NDE1: variants seen among roughly 807,000 people sequenced by gnomAD.
NDE1 encodes nudE neurodevelopment protein 1, also known as nuclear distribution protein nudE homolog 1.
In NDE1, 28 loss-of-function variants were observed where a neutral mutation model predicts 43.4. The ratio of observed to expected loss-of-function variants is 0.65; its 90% CI spans 0.48 to 0.89. The LOEUF is 0.89. NDE1 is among the 40% of genes least tolerant of loss of function. NDE1 has a pLI of 0.00. For missense variants in NDE1, 441 were observed against 434.1 expected (o/e 1.02, Z -0.14); for synonymous variants, 184 against 172.0 (o/e 1.07, Z -0.55).
At chr16:15,691,027 C>T (rs1021640191) in intron 5 of NDE1, 117 bp from the exon 6 acceptor site, 11 of 1,232,804 alleles carry the variant, frequency 8.9e-6, no homozygotes, top group African/African-American at 6.0e-5. Flanking sequence ...AGGCTGGTCT[C>T]GAACTCCTGA....
At chr16:15,717,459 G>C (rs545733842) in intron 8 of NDE1, 8 of 1,116,518 alleles carry the variant, frequency 7.2e-6, no homozygotes, top group Admixed American at 4.0e-5. Context: ...CCTTGATCCC[G>C]GGCACCCTGT....
intron 7 of NDE1, among the ~76,000 whole-genome samples, chr16:15,695,170 C>T (rs1369666251): frequency 2.7e-5 from 4 of 146,706 alleles, no homozygotes; most frequent in Non-Finnish European, 5.9e-5. Context: ...GGTGACAGCA[C>T]GACGTTGTCT....
chr16:15,693,528 G>A (rs1001129781), intron 6 of NDE1, among the ~76,000 whole-genome samples: 6 of 152,286 alleles, frequency 3.9e-5, no homozygotes, highest in African/African-American at 1.2e-4. Flanking sequence ...GGCTGGGCAC[G>A]GTGGCTCATG....
chr16:15,676,571 A>G (rs1456300619), intron 3 of NDE1, among the ~76,000 whole-genome samples: 1 of 152,058 alleles, frequency 6.6e-6, no homozygotes, highest in East Asian at 1.9e-4. Flanking sequence ...CCATGTCACA[A>G]CGGGGAGTCC....
At chr16:15,692,141 T>A (rs1435931053) in intron 6 of NDE1, among the ~76,000 whole-genome samples, 1 of 152,074 alleles carries the variant, frequency 6.6e-6, no homozygotes, top group Non-Finnish European at 1.5e-5. Flanking sequence ...ACAGCAGATA[T>A]TAATAACAGA....
chr16:15,724,118 C>G lies in NDE1; in HGVS notation c.948-73C>G, dbSNP rs138012038. The G allele has an allele frequency of 1.9e-6, 3 of 1,610,726 alleles. No homozygotes were observed. In the South Asian group the frequency reaches 3.3e-5, roughly 18 times the overall value. On this transcript the variant is annotated intron_variant, in intron 8 of 8. Coordinates refer to ENST00000396354, the MANE Select transcript of NDE1 (RefSeq NM_017668.3). ...TACTCTGCAGAGCTGATTCCCCAAC[C>G]CAGCGTCCATGGCCAGAGTGGGGGA...
intron 1 of NDE1, chr16:15,651,972 A>T (rs1235182884): frequency 2.0e-5 from 3 of 151,806 alleles, no homozygotes; most frequent in Non-Finnish European, 4.4e-5. Flanking sequence ...CAGTGGCATG[A>T]TCTCGACTCA....
chr16:15,695,855 A>C, intron 7 of NDE1: 1 of 315,174 alleles, frequency 3.2e-6, no homozygotes, highest in Non-Finnish European at 4.6e-6. Flanking sequence ...TGGTTTCCTC[A>C]GGGTCTGTTG....
intron 8 of NDE1, chr16:15,721,820 A>G: frequency 1.6e-6 from 1 of 641,818 alleles, no homozygotes; most frequent in Non-Finnish European, 2.7e-6. Flanking sequence ...AACCTTATGC[A>G]GAGCCAGAAA....
upstream of NDE1, among the ~76,000 whole-genome samples, chr16:15,647,618 G>A (rs929999230): frequency 1.3e-5 from 2 of 152,080 alleles, no homozygotes; most frequent in African/African-American, 4.8e-5. Flanking sequence ...CTGAAATGAC[G>A]TTACTTTTTC....
chr16:15,718,431 G>A lies in NDE1; in HGVS notation c.948-5760G>A, dbSNP rs2040286402. 2 of 1,567,198 alleles carry A rather than the reference G, an allele frequency of 1.3e-6. No individual in the cohort carries two copies. The highest frequency in any genetic ancestry group is 1.3e-5 in the African/African-American group (1 of 74,184). On this transcript the variant is annotated intron_variant, in intron 8 of 8. Transcript: ENST00000396354. ...TCCAGGCGGCGCTTCTCGTCCTGGA[G>A]TGCGTTCCTGGGGGAAGGGCGGCCA...
rs184827132 is a variant in NDE1, at chr16:15,682,171, A to G, written c.386+4222A>G. ...CCCAGTTCACCATTATAGAATCAAT[A>G]AAGTTCTAGGTCACCAAAGTTTTAT... On this transcript the variant is annotated intron_variant, in intron 4 of 8. Coordinates refer to ENST00000396354, the MANE Select transcript of NDE1 (RefSeq NM_017668.3). Among the ~76,000 whole-genome samples, 3 of 152,328 alleles carry G rather than the reference A, an allele frequency of 2.0e-5. No homozygotes were observed. The East Asian group carries it at 5.8e-4, about 29-fold the overall frequency.
intron 8 of NDE1, chr16:15,703,660 C>G: frequency 4.6e-6 from 2 of 438,272 alleles, no homozygotes; most frequent in Non-Finnish European, 8.6e-6. Flanking sequence ...GCAATTATAG[C>G]TCATTGCAGC....
Position 15,667,421 on chromosome 16 carries a change from G to C in NDE1, c.219G>C (p.Met73Ile), listed in dbSNP as rs745579727. ...DLLSENNRLR[M>I]ELETIKEKFE... The stretch of plus-strand genomic sequence containing the variant: ...TGTCCGAAAATAACCGCCTTCGCAT[G>C]GAGCTGGAAACCATCAAGGTGAGGG... Residue 73 changes from methionine (M) to isoleucine (I), a missense_variant, in exon 3 of 9, where the codon ATG becomes ATC. By Grantham distance (10) the Met-to-Ile change is conservative. Transcript: ENST00000396354. 2 of 1,613,824 alleles carry C rather than the reference G, an allele frequency of 1.2e-6. No homozygotes were observed. Among genetic ancestry groups the C allele is most frequent in the African/African-American group, 2.7e-5 (2 of 75,008 alleles).
intron 3 of NDE1, among the ~76,000 whole-genome samples, chr16:15,671,592 T>A (rs185348337): frequency 3.9e-5 from 6 of 152,288 alleles, no homozygotes; most frequent in Admixed American, 3.9e-4. Context: ...GAGACCTTAG[T>A]GTCATCTGCC....
chr16:15,712,527 C>A lies in NDE1; in HGVS notation c.948-11664C>A, dbSNP rs184905432. On this transcript the variant is annotated intron_variant, in intron 8 of 8. Transcript: ENST00000396354. ...GCCAAAAATAGCTTGAACTGGGAGG[C>A]AGAGGTTGCAGTGAGCTGAGATAGT... Among the ~76,000 whole-genome samples the A allele has an allele frequency of 1.9e-3, 290 of 152,020 alleles. 3 individuals are homozygous for A. The highest frequency in any genetic ancestry group is 1.7e-3 in the Non-Finnish European group (116 of 67,948).
chr16:15,706,188 G>T (rs754802134), intron 8 of NDE1, among the ~76,000 whole-genome samples: 6 of 152,108 alleles, frequency 3.9e-5, no homozygotes, highest in Non-Finnish European at 8.8e-5. Context: ...AACACTCCTA[G>T]CCCAGCTTCA....
intron 1 of NDE1, among the ~76,000 whole-genome samples, chr16:15,655,592 C>G (rs894852112): frequency 6.6e-6 from 1 of 152,148 alleles, no homozygotes; most frequent in African/African-American, 2.4e-5. Flanking sequence ...GGATCTAGAA[C>G]TGGAAATACC....
intron 8 of NDE1, chr16:15,699,875 T>G: frequency 7.6e-7 from 1 of 1,310,360 alleles, no homozygotes; most frequent in South Asian, 1.2e-5. Flanking sequence ...CGTTACCTTT[T>G]GTCGTCTTTT....
Sources: gnomAD v4.1 joint callset for allele counts (sites outside exome capture counted in the v4.1 genomes callset) on GRCh38, gnomAD v4.1.1 for gene constraint, MANE v1.5 for transcripts, NCBI Gene and HGNC (gene_info 2026-07-23, HGNC 2026-07-21) for gene names.